Variants in ZNF644 observed in about 807,000 individuals in gnomAD.
ZNF644 encodes zinc finger motif enhancer binding protein 2.
ZNF644 carries 20 observed loss-of-function variants against 108.0 expected under a neutral mutation model. The observed-to-expected ratio is 0.19, with a 90% CI of 0.13 to 0.27. ZNF644 has a LOEUF of 0.27. Ranked by LOEUF, ZNF644 falls within the 10% of genes least tolerant of loss-of-function variation. The pLI, the probability that ZNF644 is intolerant of heterozygous loss-of-function variation, is 1.00. For synonymous variants in ZNF644, 542 were observed against 539.1 expected (o/e 1.01, Z -0.08); for missense variants, 1,338 against 1,548.9 (o/e 0.86, Z 2.29).
At chr1:90,964,152 T>A (rs1222491540) in intron 2 of ZNF644, among the ~76,000 whole-genome samples, 1 of 152,140 alleles carries the variant, frequency 6.6e-6, no homozygotes, top group Non-Finnish European at 1.5e-5. Context: ...TTTTTCAATA[T>A]GCTGCAGGAA....
rs147683435 is a variant in ZNF644 at position 90,951,765 on chromosome 1, C to T, written c.45-10456G>A. The stretch of plus-strand genomic sequence containing the variant: ...CTGTGGTTGTAGTTTGTGCATCCCT[C>T]CTCTAATACTAAGTTTCACAGGCAA... On this transcript the variant is annotated intron_variant, in intron 2 of 5. Coordinates refer to ENST00000337393, the MANE Select transcript of ZNF644 (RefSeq NM_201269.3). Among the ~76,000 whole-genome samples the T allele has an allele frequency of 1.3e-4, 20 of 152,286 alleles. No individual in the cohort carries two copies. In the East Asian group the frequency reaches 1.9e-3, roughly 15 times the overall value.
intron 1 of ZNF644, among the ~76,000 whole-genome samples, chr1:90,992,250 T>C (rs1209083673): frequency 2.0e-5 from 3 of 152,142 alleles, no homozygotes; most frequent in Admixed American, 2.0e-4. Flanking sequence ...TCTGTTCAAA[T>C]TGTTTACTTT....
chr1:90,971,013 A>AC (rs1337242249), intron 2 of ZNF644, among the ~76,000 whole-genome samples: 1 of 151,468 alleles, frequency 6.6e-6, no homozygotes, highest in Non-Finnish European at 1.5e-5. Context: ...AAAAAAAAAA[A>AC]AAAAACACTA....
intron 2 of ZNF644, among the ~76,000 whole-genome samples, chr1:90,959,544 T>C (rs929747861): frequency 1.3e-5 from 2 of 152,156 alleles, no homozygotes; most frequent in South Asian, 2.1e-4. Flanking sequence ...ATCCATACAA[T>C]AGAATATTAT....
intron 1 of ZNF644, among the ~76,000 whole-genome samples, chr1:91,007,225 G>GTTTTTTTTTTTTTTTTTTTTTT (rs35761791): frequency 1.8e-5 from 1 of 55,974 alleles, no homozygotes; most frequent in Non-Finnish European, 3.3e-5. Flanking sequence ...CTCCCATTTT[G>GTTTTTTTTTTTTTTTTTTTTTT]TTTTTTTTTT....
rs570567014 is a variant in ZNF644, at chr1:90,937,951, A to T, written c.3222T>A (p.Ser1074=). 4.0e-5 allele frequency: 64 copies of T among 1,613,204 alleles called. No individual in the cohort carries two copies. The South Asian group carries it at 5.7e-4, about 14-fold the overall frequency. Residue 1074 remains serine, a synonymous_variant, in exon 4 of 6, where the codon TCT becomes TCA. Transcript: ENST00000337393. ...TCATCTCATTCAGAACACAGATTGG[A>T]GATTTGTGAGCATCCCATTTCGTCT... ...LGKTKWDAHK[S]PICVLNEMMQ... is the part of the protein sequence containing the mutation.
At chr1:90,997,575 G>A (rs953515583) in intron 1 of ZNF644, among the ~76,000 whole-genome samples, 4 of 152,130 alleles carry the variant, frequency 2.6e-5, no homozygotes, top group Admixed American at 2.6e-4. Context: ...GGGGAGGGGG[G>A]CGGTTCCAAG....
At chr1:90,936,242 C>T (rs1651302325) in intron 4 of ZNF644, among the ~76,000 whole-genome samples, 1 of 152,122 alleles carries the variant, frequency 6.6e-6, no homozygotes, top group Non-Finnish European at 1.5e-5. Context: ...ATCCTCACTC[C>T]CCCAACACAT....
intron 2 of ZNF644, among the ~76,000 whole-genome samples, chr1:90,969,214 CAG>C (rs1436531224): frequency 6.6e-6 from 1 of 152,048 alleles, no homozygotes; most frequent in Non-Finnish European, 1.5e-5. Context: ...TTAGGACATA[CAG>C]AGAGACACCA....
At chr1:91,002,540 A>G (rs927553864) in intron 1 of ZNF644, among the ~76,000 whole-genome samples, 5 of 152,228 alleles carry the variant, frequency 3.3e-5, no homozygotes, top group Non-Finnish European at 7.3e-5. Context: ...AAGATGGATT[A>G]AACACTTACA....
At chr1:90,990,950 C>T (rs953538960) in intron 1 of ZNF644, among the ~76,000 whole-genome samples, 5 of 152,068 alleles carry the variant, frequency 3.3e-5, no homozygotes, top group South Asian at 2.1e-4. Context: ...AGAACTTTTG[C>T]GGGTGATGAA....
chr1:90,931,570 T>G (rs79747022), intron 4 of ZNF644, among the ~76,000 whole-genome samples: 3,037 of 152,204 alleles, frequency 0.02, 82 homozygotes, highest in African/African-American at 0.069. Context: ...AGAAAAATTA[T>G]TAAACAATTT....
chr1:90,987,896 T>C (rs1042391935), intron 1 of ZNF644, among the ~76,000 whole-genome samples: 17 of 151,666 alleles, frequency 1.1e-4, no homozygotes, highest in African/African-American at 3.6e-4. Flanking sequence ...AAAATAGAAA[T>C]AGAAGGAAAG....
chr1:90,918,980 TA>T (rs913319049), intron 4 of ZNF644, among the ~76,000 whole-genome samples: 28 of 147,708 alleles, frequency 1.9e-4, no homozygotes, highest in Admixed American at 2.0e-4. Flanking sequence ...TTTGAAAAGG[TA>T]AAAAAAAAAA....
intron 1 of ZNF644, among the ~76,000 whole-genome samples, chr1:90,997,742 G>A (rs1658295033): frequency 6.6e-6 from 1 of 152,154 alleles, no homozygotes; most frequent in African/African-American, 2.4e-5. Flanking sequence ...AGCAGGGCGA[G>A]GCATCGCCTC....
At chr1:90,967,413 T>C (rs1322605235) in intron 2 of ZNF644, among the ~76,000 whole-genome samples, 3 of 152,178 alleles carry the variant, frequency 2.0e-5, no homozygotes, top group Non-Finnish European at 4.4e-5. Context: ...TTCAAATATT[T>C]AGCTGATGAT....
intron 1 of ZNF644, among the ~76,000 whole-genome samples, chr1:91,009,893 G>C (rs1394419934): frequency 6.6e-6 from 1 of 151,874 alleles, no homozygotes; most frequent in East Asian, 1.9e-4. Flanking sequence ...TCTTATTTTA[G>C]CTCTGCACTA....
intron 2 of ZNF644, among the ~76,000 whole-genome samples, chr1:90,981,845 C>T (rs576929954): frequency 3.3e-5 from 5 of 152,152 alleles, no homozygotes; most frequent in African/African-American, 1.2e-4. Context: ...AAAGAAATCA[C>T]AATTTGGCAA....
chr1:90,931,109 A>G (rs1362175984), intron 4 of ZNF644, among the ~76,000 whole-genome samples: 1 of 152,190 alleles, frequency 6.6e-6, no homozygotes, highest in Admixed American at 6.5e-5. Context: ...AAGGTAAACC[A>G]GTATGTATAG....
Sources: gnomAD v4.1 joint callset for allele counts (sites outside exome capture counted in the v4.1 genomes callset) on GRCh38, gnomAD v4.1.1 for gene constraint, MANE v1.5 for transcripts, NCBI Gene and HGNC (gene_info 2026-07-23, HGNC 2026-07-21) for gene names.